Variants in TTC6 observed in about 807,000 individuals in gnomAD.
TTC6 encodes tetratricopeptide repeat domain 6.
TTC6 carries 172 observed loss-of-function variants against 210.4 expected under a neutral mutation model. That is an observed-to-expected ratio of 0.82 (90% CI 0.72 to 0.93). TTC6 has a LOEUF of 0.93. TTC6 is among the 40% of genes least tolerant of loss of function. The probability of loss-of-function intolerance (pLI) is 0.00; values close to 1 mark genes in which losing one functional copy is unlikely to be tolerated. For missense variants in TTC6, 2,414 were observed against 2,318.1 expected (o/e 1.04, Z -0.85); for synonymous variants, 804 against 819.6 (o/e 0.98, Z 0.32).
intron 1 of TTC6, among the ~76,000 whole-genome samples, chr14:37,602,784 C>A (rs536751769): frequency 6.6e-6 from 1 of 152,300 alleles, no homozygotes; most frequent in South Asian, 2.1e-4. Context: ...TCAAGCCTCA[C>A]CCACCTTAGA....
intron 14 of TTC6, among the ~76,000 whole-genome samples, chr14:37,767,622 C>T (rs1426749838): frequency 6.6e-6 from 1 of 152,062 alleles, no homozygotes; most frequent in Non-Finnish European, 1.5e-5. Flanking sequence ...CTGTTCATGT[C>T]CTTCGCCTAC....
intron 29 of TTC6, among the ~76,000 whole-genome samples, chr14:37,836,750 C>T (rs1252462699): frequency 6.6e-6 from 1 of 152,142 alleles, no homozygotes; most frequent in Non-Finnish European, 1.5e-5. Flanking sequence ...CTTCTATTCC[C>T]TGTCACCCTC....
chr14:37,770,834 G>T (rs1248206584), intron 14 of TTC6, among the ~76,000 whole-genome samples: 1 of 149,496 alleles, frequency 6.7e-6, no homozygotes, highest in African/African-American at 2.5e-5. Flanking sequence ...GTGTGAATTT[G>T]ATCCTGTCAT....
At chr14:37,786,314 T>A (rs1487349016) in intron 14 of TTC6, among the ~76,000 whole-genome samples, 1 of 152,192 alleles carries the variant, frequency 6.6e-6, no homozygotes, top group Non-Finnish European at 1.5e-5. Context: ...CCTACTTAAG[T>A]GTCAGCAATG....
At position 37,663,954 on chromosome 14, in the gene TTC6, AGGACCTCTTC is replaced by A. The variant is rs1328305481; in HGVS notation, c.940-16196_940-16187del. Reference sequence around the variant, plus strand: ...GGACTATAGCTAATAAGGGAAGTGAAGGACCTCTTCAAGGAGAACTATAAACCACTGCTCA... The same window carrying A: ...GGACTATAGCTAATAAGGGAAGTGAAAAGGAGAACTATAAACCACTGCTCA... On this transcript the variant is annotated intron_variant, in intron 1 of 30. Transcript: ENST00000553443. 3.5e-3 allele frequency among the ~76,000 whole-genome samples: 495 copies of A among 140,514 alleles called. 20 individuals carry two copies. Among genetic ancestry groups the A allele is most frequent in the Non-Finnish European group, 6.2e-3 (369 of 59,728 alleles). The allele number at this position is 140,514 out of a possible 152,430, so 92.2% of individuals were successfully genotyped here.
intron 1 of TTC6, among the ~76,000 whole-genome samples, chr14:37,662,980 G>C (rs1167992413): frequency 6.6e-6 from 1 of 152,142 alleles, no homozygotes; most frequent in South Asian, 2.1e-4. Context: ...GTTTTGGGCA[G>C]TATGGCCATT....
intron 1 of TTC6, among the ~76,000 whole-genome samples, chr14:37,626,362 T>C (rs2139317816): frequency 6.6e-6 from 1 of 152,246 alleles, no homozygotes; most frequent in South Asian, 2.1e-4. Context: ...ATCATATAAC[T>C]CAAAAGGAAA....
chr14:37,757,849 A>T (rs539290154), intron 14 of TTC6, among the ~76,000 whole-genome samples: 1 of 151,518 alleles, frequency 6.6e-6, no homozygotes, highest in East Asian at 1.9e-4. Context: ...TCTTAACTTT[A>T]GCTGTGTCCC....
At chr14:37,738,451 A>G (rs2095908054) in intron 9 of TTC6, among the ~76,000 whole-genome samples, 1 of 152,012 alleles carries the variant, frequency 6.6e-6, no homozygotes, top group Non-Finnish European at 1.5e-5. Context: ...ATAAAAGTAC[A>G]GCATATAATT....
chr14:37,665,676 T>C (rs1279401713), intron 1 of TTC6, among the ~76,000 whole-genome samples: 2 of 150,422 alleles, frequency 1.3e-5, no homozygotes, highest in African/African-American at 4.8e-5. Flanking sequence ...AAAAAAATGA[T>C]GAACTGGCAA....
At chr14:37,800,049 G>T (rs1252021584) in intron 20 of TTC6, among the ~76,000 whole-genome samples, 6 of 152,138 alleles carry the variant, frequency 3.9e-5, no homozygotes. Context: ...CAGATGCAGT[G>T]TTGCTGTAAC....
chr14:37,787,067 A>G (rs1326828420), intron 14 of TTC6, among the ~76,000 whole-genome samples: 1 of 152,176 alleles, frequency 6.6e-6, no homozygotes, highest in East Asian at 1.9e-4. Flanking sequence ...ACTTCTACTC[A>G]CTAGGGCCCA....
At chr14:37,730,382 AAG>A (rs1313544435) in intron 7 of TTC6, among the ~76,000 whole-genome samples, 1 of 152,166 alleles carries the variant, frequency 6.6e-6, no homozygotes, top group Non-Finnish European at 1.5e-5. Context: ...TAAGCACATC[AAG>A]AGTCAATCAG....
rs2095957239 is a variant in TTC6 at position 37,753,096 on chromosome 14, T to C, written c.3130-3T>C. On this transcript the variant is annotated splice_region_variant and splice_polypyrimidine_tract_variant and intron_variant, in intron 13 of 30. Transcript: ENST00000553443. ...GTTTATGTACCTCCCGCTGTCCCTATAGTGTATTTTTTATGATCCCAAAAG... is the reference window on the plus strand; with the variant it reads ...GTTTATGTACCTCCCGCTGTCCCTACAGTGTATTTTTTATGATCCCAAAAG... The C allele has an allele frequency of 2.6e-6, 4 of 1,531,362 alleles. No individual in the cohort carries two copies. Among genetic ancestry groups the C allele is most frequent in the Non-Finnish European group, 3.5e-6 (4 of 1,143,198 alleles). The allele number at this position is 1,531,362 out of a possible 1,614,324, so 94.9% of individuals were successfully genotyped here.
intron 5 of TTC6, among the ~76,000 whole-genome samples, chr14:37,706,812 G>A (rs1439897904): frequency 6.6e-6 from 1 of 151,914 alleles, no homozygotes; most frequent in African/African-American, 2.4e-5. Flanking sequence ...TATTTATATG[G>A]CATATATTTC....
chr14:37,646,914 C>T (rs2095702670), intron 1 of TTC6, among the ~76,000 whole-genome samples: 1 of 152,138 alleles, frequency 6.6e-6, no homozygotes, highest in African/African-American at 2.4e-5. Flanking sequence ...ATTCTGGCCT[C>T]ATCTATTTAT....
chr14:37,674,473 CTTTG>C (rs1408163190), intron 1 of TTC6, among the ~76,000 whole-genome samples: 1 of 152,022 alleles, frequency 6.6e-6, no homozygotes, highest in Admixed American at 6.6e-5. Flanking sequence ...GTATAAGACA[CTTTG>C]TTTGCATGTA....
At chr14:37,615,069 C>A (rs1482260894) in intron 2 of TTC6, among the ~76,000 whole-genome samples, 2 of 152,104 alleles carry the variant, frequency 1.3e-5, no homozygotes, top group Non-Finnish European at 2.9e-5. Flanking sequence ...TAAAAAAAAT[C>A]TTTTAGCATG....
At chr14:37,622,614 G>A (rs752406453) in exon 1 of TTC6, 20 of 1,534,838 alleles carry the variant, frequency 1.3e-5, no homozygotes, top group Non-Finnish European at 1.7e-5. Context: ...CTTGGGAAGG[G>A]AGCGCGAACA....
Sources: allele counts gnomAD v4.1 joint callset (sites outside exome capture counted in the v4.1 genomes callset), GRCh38; gene constraint gnomAD v4.1.1; transcripts MANE v1.5; gene names NCBI Gene and HGNC (gene_info 2026-07-23, HGNC 2026-07-21).